Variants in SGO1 observed in about 807,000 individuals in gnomAD.
SGO1 encodes serologically defined breast cancer antigen NY-BR-85.
Under a neutral mutation model 50.5 loss-of-function variants are expected in SGO1, and 39 were observed. The ratio of observed to expected loss-of-function variants is 0.77; its 90% CI spans 0.60 to 1.01. The LOEUF is 1.01. Among genes scored for constraint, SGO1 ranks in the 50% least tolerant of loss-of-function variants. SGO1 has a pLI of 0.00. For synonymous variants in SGO1, 191 were observed against 205.1 expected (o/e 0.93, Z 0.59); for missense variants, 638 against 606.0 (o/e 1.05, Z -0.55).
At chr3:20,176,298 T>G (rs1701383181) in intron 5 of SGO1, among the ~76,000 whole-genome samples, 1 of 152,182 alleles carries the variant, frequency 6.6e-6, no homozygotes, top group Non-Finnish European at 1.5e-5. Flanking sequence ...AGTCCTAGGT[T>G]GTTGTGAGGG....
chr3:20,186,273 A>G (rs1290570725), upstream of SGO1: 1 of 152,174 alleles, frequency 6.6e-6, no homozygotes, highest in Non-Finnish European at 1.5e-5. Flanking sequence ...GATGCACCCA[A>G]CACCACCGTC....
At position 20,183,768 on chromosome 3, in the gene SGO1, T is replaced by C; in HGVS notation, c.179A>G (p.Asn60Ser). 6.2e-7 allele frequency: 1 copy of C among 1,612,020 alleles called. No individual in the cohort carries two copies. Residue 60 changes from asparagine (N) to serine (S), a missense_variant, in exon 3 of 8, where the codon AAC (asparagine) becomes AGC (serine). By Grantham distance (46) the Asn-to-Ser change is conservative (BLOSUM62 1). Coordinates refer to ENST00000412997, the MANE Select transcript of SGO1 (RefSeq NM_001199251.3). ...CAAAGCTAAAACTAACATTTTGTTGTTGTCTTGGTAATTTTTCAGCAGTGT... is the reference window on the plus strand; with the variant it reads ...CAAAGCTAAAACTAACATTTTGTTGCTGTCTTGGTAATTTTTCAGCAGTGT... ...TSTLLKNYQD[N>S]NKMLVLALEN...
At chr3:20,178,408 T>G (rs185307708) in intron 3 of SGO1, 61 bp from the exon 4 acceptor site, 107 of 1,230,258 alleles carry the variant, frequency 8.7e-5, no homozygotes, top group Non-Finnish European at 1.2e-4. Flanking sequence ...AAGCATTAAT[T>G]TATTCAACAA....
downstream of SGO1, chr3:20,168,798 T>G (rs1050218147): frequency 1.0e-5 from 3 of 291,060 alleles, no homozygotes; most frequent in African/African-American, 4.6e-5. Context: ...GCCTGGCTAA[T>G]TTTTTCTATT....
chr3:20,173,666 T>G (rs1701031493), intron 6 of SGO1, among the ~76,000 whole-genome samples: 1 of 152,206 alleles, frequency 6.6e-6, no homozygotes, highest in African/African-American at 2.4e-5. Context: ...TAACTAAAAT[T>G]GCCAAATGAG....
intron 4 of SGO1, 62 bp downstream of exon 4, chr3:20,178,209 A>C: frequency 8.4e-7 from 1 of 1,184,024 alleles, no homozygotes; most frequent in East Asian, 2.3e-5. Flanking sequence ...CCTTTCATAA[A>C]TGAATCACAG....
rs745659209 is a variant in SGO1 at position 20,174,765 on chromosome 3, A to G, written c.766T>C (p.Ser256Pro). The change falls in exon 6 of 8, where the codon TCA becomes CCA. Residue 256 changes from serine to proline, a missense_variant. Transcript: ENST00000412997. Reference sequence around the variant, plus strand: ...GTTCCTGGCTGAATCAGCTTTGGTGATAAGTTAACTTGGTCCTTGCTCCAT... The same window carrying G: ...GTTCCTGGCTGAATCAGCTTTGGTGGTAAGTTAACTTGGTCCTTGCTCCAT... Reference protein sequence around the residue: ...CQWSKDQVNLSPKLIQPGTFT... With the variant: ...CQWSKDQVNLPPKLIQPGTFT... 5.6e-6 allele frequency: 9 copies of G among 1,613,886 alleles called. No individual in the cohort carries two copies. The highest frequency in any genetic ancestry group is 1.3e-5 in the African/African-American group (1 of 74,878).
downstream of SGO1, among the ~76,000 whole-genome samples, chr3:20,166,587 AAG>A (rs1021330970): frequency 3.3e-5 from 5 of 152,056 alleles, no homozygotes; most frequent in Non-Finnish European, 7.4e-5. Context: ...GAGAGGGGAG[AAG>A]AGAGAGTGAT....
downstream of SGO1, among the ~76,000 whole-genome samples, chr3:20,167,362 ACTC>A (rs1424799005): frequency 6.6e-6 from 1 of 152,146 alleles, no homozygotes; most frequent in Non-Finnish European, 1.5e-5. Context: ...AATATTTAAA[ACTC>A]CTAAATATCA....
At chr3:20,178,748 A>G (rs1701679308) in intron 3 of SGO1, among the ~76,000 whole-genome samples, 1 of 152,306 alleles carries the variant, frequency 6.6e-6, no homozygotes, top group South Asian at 2.1e-4. Flanking sequence ...AAATACACAT[A>G]AGAAAAATCT....
At chr3:20,171,910 G>A (rs571869629) in intron 6 of SGO1, among the ~76,000 whole-genome samples, 1 of 152,278 alleles carries the variant, frequency 6.6e-6, no homozygotes, top group Non-Finnish European at 1.5e-5. Flanking sequence ...GGAGGCAAAT[G>A]TCCAACACAT....
intron 1 of SGO1, 104 bp from the exon 2 acceptor site, chr3:20,184,138 G>A: frequency 1.2e-6 from 1 of 838,690 alleles, no homozygotes; most frequent in Non-Finnish European, 1.7e-6. Context: ...CTAAACTGTA[G>A]AATTAGCTCA....
exon 9 of SGO1, chr3:20,160,895 A>G (rs927963355): frequency 1.1e-5 from 6 of 530,324 alleles, no homozygotes; most frequent in African/African-American, 1.0e-4. Context: ...GAGGGGTTCA[A>G]CACGTACTGA....
chr3:20,182,002 G>A (rs1702067672), intron 3 of SGO1, among the ~76,000 whole-genome samples: 1 of 151,780 alleles, frequency 6.6e-6, no homozygotes, highest in Non-Finnish European at 1.5e-5. Context: ...AGAATCACTT[G>A]AACCCAGGAG....
intron 1 of SGO1, among the ~76,000 whole-genome samples, chr3:20,184,449 G>GC (rs1434900505): frequency 6.6e-6 from 1 of 152,104 alleles, no homozygotes; most frequent in Non-Finnish European, 1.5e-5. Flanking sequence ...TAGTTCTGAG[G>GC]CAATTATATA....
intron 4 of SGO1, 36 bp from the exon 5 acceptor site, chr3:20,176,695 AT>A: frequency 7.4e-7 from 1 of 1,348,118 alleles, no homozygotes; most frequent in Non-Finnish European, 1.0e-6. Context: ...AAATTTAACA[AT>A]TATGTAATAA....
rs754202479 is a variant in SGO1, at chr3:20,174,483, G to A, written c.1048C>T (p.Gln350Ter). Residue 350 changes from glutamine to a stop codon, truncating the protein, a stop_gained, in exon 6 of 8, where the codon CAA becomes TAA. Coordinates refer to ENST00000412997, the MANE Select transcript of SGO1 (RefSeq NM_001199251.3). LOFTEE classifies it high-confidence loss of function. ...CTATTAGAGTCATTGCTCACTTTTT[G>A]TCGGAAAGGAGTAAGATGAACACCC... is the stretch of plus-strand genomic sequence containing the variant. Reference protein sequence around the residue: ...EEGVHLTPFRQKVSNDSNREE... With the variant: ...EEGVHLTPFR 3.1e-6 allele frequency: 5 copies of A among 1,613,938 alleles called. No homozygotes were observed. The Admixed American group carries it at 8.3e-5, about 27-fold the overall frequency.
At position 20,178,311 on chromosome 3, in the gene SGO1, T is replaced by C; in HGVS notation, c.376A>G (p.Ser126Gly). ...EICSSGMDPN[S>G]DDSSRNLFVK... ...AATAAATTTCTGGAGCTGTCATCAC[T>C]ATTGGGGTCCATTCCAGAGGAACAT... is the stretch of plus-strand genomic sequence containing the variant. The change falls in exon 4 of 8, where the codon AGT (serine) becomes GGT (glycine). Residue 126 changes from serine to glycine, a missense_variant. Physicochemically the swap from Ser to Gly is moderately conservative, Grantham distance 56. Transcript: ENST00000412997. 6.2e-7 allele frequency: 1 copy of C among 1,613,000 alleles called. No homozygotes were observed. Among genetic ancestry groups the C allele is most frequent in the Non-Finnish European group, 8.5e-7 (1 of 1,179,160 alleles).
chr3:20,170,939 A>G, intron 7 of SGO1, 104 bp downstream of exon 7: 1 of 1,469,596 alleles, frequency 6.8e-7, no homozygotes, highest in African/African-American at 1.4e-5. Context: ...TTTTAAATCA[A>G]ATGTTTATAT....
Sources: gnomAD v4.1 joint callset for allele counts (sites outside exome capture counted in the v4.1 genomes callset) on GRCh38, gnomAD v4.1.1 for gene constraint, MANE v1.5 for transcripts, NCBI Gene and HGNC (gene_info 2026-07-23, HGNC 2026-07-21) for gene names.